Variants in KHDRBS2 observed in about 807,000 individuals in gnomAD.
The protein encoded by KHDRBS2 is KH domain-containing, RNA-binding, signal transduction-associated protein 2.
In KHDRBS2, 26 loss-of-function variants were observed where a neutral mutation model predicts 44.3. The ratio of observed to expected loss-of-function variants is 0.59; its 90% CI spans 0.43 to 0.81. The LOEUF (loss-of-function observed/expected upper bound fraction) is 0.81, where lower values mean the gene tolerates loss of function less well. KHDRBS2 is among the 40% of genes least tolerant of loss of function. The pLI is 0.00. For missense variants in KHDRBS2, 476 were observed against 433.1 expected (o/e 1.10, Z -0.88); for synonymous variants, 194 against 151.1 (o/e 1.28, Z -2.08).
downstream of KHDRBS2, among the ~76,000 whole-genome samples, chr6:61,677,097 C>T (rs1561958821): frequency 6.6e-6 from 1 of 151,956 alleles, no homozygotes; most frequent in East Asian, 2.0e-4. Flanking sequence ...TGCGATAACC[C>T]TGCCCTGAGT....
chr6:61,734,283 G>A (rs572609781), intron 6 of KHDRBS2, among the ~76,000 whole-genome samples: 1 of 152,102 alleles, frequency 6.6e-6, no homozygotes, highest in African/African-American at 2.4e-5. Context: ...TTGCTATTGA[G>A]TTAAATTTTG....
At chr6:62,130,212 T>A (rs1157417450) in intron 2 of KHDRBS2, among the ~76,000 whole-genome samples, 1 of 152,154 alleles carries the variant, frequency 6.6e-6, no homozygotes, top group Non-Finnish European at 1.5e-5. Context: ...TGTGGTAGAA[T>A]CATCCCCTTT....
At chr6:61,648,800 A>G in the KHDRBS2 span, among the ~76,000 whole-genome samples, 3 of 152,108 alleles carry the variant, frequency 2.0e-5, no homozygotes, top group African/African-American at 7.2e-5. Context: ...TTTCCTTTTT[A>G]CTGGATCTCA....
In KHDRBS2 at chr6:62,041,157, C is replaced by T. The variant is rs1786398691; in HGVS notation, c.336+6721G>A. ...ACCAGTCTGGCCAACATGGTGAAAC[C>T]CTGTCTCTACTAAATATACAAAAAT... is the stretch of plus-strand genomic sequence containing the variant. On this transcript the variant is annotated intron_variant, in intron 3 of 8. Coordinates refer to ENST00000281156, the MANE Select transcript of KHDRBS2 (RefSeq NM_152688.4). 3.3e-5 allele frequency among the ~76,000 whole-genome samples: 5 copies of T among 151,966 alleles called. No homozygotes were observed. In the South Asian group the frequency reaches 1.0e-3, roughly 32 times the overall value.
At chr6:61,598,858 T>G in the KHDRBS2 span, among the ~76,000 whole-genome samples, 233 of 103,358 alleles carry the variant, frequency 2.3e-3, 2 homozygotes, top group African/African-American at 8.1e-3. Flanking sequence ...TTTTTTTTTT[T>G]GCACATCAGG....
chr6:62,090,365 A>G (rs964570637), intron 2 of KHDRBS2, among the ~76,000 whole-genome samples: 1 of 152,194 alleles, frequency 6.6e-6, no homozygotes, highest in Admixed American at 6.5e-5. Flanking sequence ...AGAATAAATT[A>G]ATACTCATTA....
At chr6:61,842,883 T>C (rs1793786353) in intron 6 of KHDRBS2, among the ~76,000 whole-genome samples, 1 of 152,156 alleles carries the variant, frequency 6.6e-6, no homozygotes, top group South Asian at 2.1e-4. Flanking sequence ...ACAGATAATC[T>C]ATAACTTATC....
intron 1 of KHDRBS2, among the ~76,000 whole-genome samples, chr6:62,231,380 C>T (rs1832874880): frequency 6.6e-6 from 1 of 152,142 alleles, no homozygotes; most frequent in African/African-American, 2.4e-5. Context: ...CAGGGAAATG[C>T]CAGACACTTA....
intron 1 of KHDRBS2, among the ~76,000 whole-genome samples, chr6:62,210,325 TTC>T (rs1828807955): frequency 1.5e-5 from 2 of 137,892 alleles, no homozygotes; most frequent in South Asian, 2.4e-4. Flanking sequence ...TATTCTAGCA[TTC>T]TTTTTTTTTT....
intron 3 of KHDRBS2, among the ~76,000 whole-genome samples, chr6:62,008,515 T>A (rs988281314): frequency 2.0e-5 from 3 of 152,236 alleles, no homozygotes; most frequent in Non-Finnish European, 4.4e-5. Context: ...GTATAATCAA[T>A]ACAGGATTCC....
intron 6 of KHDRBS2, among the ~76,000 whole-genome samples, chr6:61,871,474 C>T (rs140958848): frequency 6.6e-6 from 1 of 152,100 alleles, no homozygotes; most frequent in South Asian, 2.1e-4. Flanking sequence ...CCTAGCAAGA[C>T]AGAATAACAT....
Position 62,071,184 on chromosome 6 carries a change from GTTGT to G in KHDRBS2, c.220-23194_220-23191del, listed in dbSNP as rs1184936254. Among the ~76,000 whole-genome samples, 15 of 152,146 alleles carry G rather than the reference GTTGT, an allele frequency of 9.9e-5. No homozygotes were observed. The South Asian group carries it at 1.2e-3, about 13-fold the overall frequency. On this transcript the variant is annotated intron_variant, in intron 2 of 8. Transcript: ENST00000281156. ...TGTCCTTCGCCCACTTGTTGATGGGGTTGTTTGTTTTTTTCTTGTAAATTTGTTT... is the reference window on the plus strand; with the variant it reads ...TGTCCTTCGCCCACTTGTTGATGGGGTTGTTTTTTTCTTGTAAATTTGTTT...
At chr6:62,088,822 C>A (rs1278657039) in intron 2 of KHDRBS2, among the ~76,000 whole-genome samples, 3 of 152,152 alleles carry the variant, frequency 2.0e-5, no homozygotes, top group Non-Finnish European at 4.4e-5. Context: ...GCGACCGTAG[C>A]CACCCCTTGC....
chr6:62,106,757 C>T (rs1432635787), intron 2 of KHDRBS2, among the ~76,000 whole-genome samples: 1 of 152,164 alleles, frequency 6.6e-6, no homozygotes, highest in Non-Finnish European at 1.5e-5. Context: ...GTCAAGTGGG[C>T]TTCATCCCTG....
At chr6:61,807,109 CA>C (rs1272763988) in intron 6 of KHDRBS2, among the ~76,000 whole-genome samples, 1 of 152,020 alleles carries the variant, frequency 6.6e-6, no homozygotes, top group African/African-American at 2.4e-5. Flanking sequence ...AAATGCAAAT[CA>C]AAACCACAGT....
At chr6:62,246,767 T>C (rs1835651078) in intron 1 of KHDRBS2, among the ~76,000 whole-genome samples, 2 of 152,122 alleles carry the variant, frequency 1.3e-5, no homozygotes, top group Non-Finnish European at 2.9e-5. Flanking sequence ...GTCAAGATAT[T>C]ACTCAGCTGT....
chr6:61,906,923 C>T (rs1173455566), intron 4 of KHDRBS2, among the ~76,000 whole-genome samples: 3 of 151,342 alleles, frequency 2.0e-5, no homozygotes, highest in African/African-American at 4.9e-5. Flanking sequence ...ATATGTATAC[C>T]TAACAGTGGA....
rs369580867 is a variant in KHDRBS2 at position 62,227,080 on chromosome 6, G to T, written c.92-49768C>A. Among the ~76,000 whole-genome samples the T allele has an allele frequency of 9.2e-5, 14 of 152,190 alleles. 1 individual carries two copies. The highest frequency in any genetic ancestry group is 3.4e-4 in the African/African-American group (14 of 41,530). On this transcript the variant is annotated intron_variant, in intron 1 of 8. Transcript: ENST00000281156. ...GAAAAATGCCAATGTTAGTTTGATG[G>T]GAACAGCACTGAATTTATAAATTAC...
chr6:62,173,804 T>C (rs1051063072), intron 2 of KHDRBS2, among the ~76,000 whole-genome samples: 4 of 151,564 alleles, frequency 2.6e-5, no homozygotes, highest in Non-Finnish European at 5.9e-5. Context: ...CAAATTAAAA[T>C]AAAAAACCAT....
Sources: gnomAD v4.1 joint callset for allele counts (sites outside exome capture counted in the v4.1 genomes callset) on GRCh38, gnomAD v4.1.1 for gene constraint, MANE v1.5 for transcripts, NCBI Gene and HGNC (gene_info 2026-07-23, HGNC 2026-07-21) for gene names.